PCDHA3: variants seen among roughly 807,000 people sequenced by gnomAD.
PCDHA3 encodes protocadherin alpha 3, also known as protocadherin alpha-3.
A neutral mutation model predicts 62.2 loss-of-function variants in PCDHA3; 41 were observed. That is an observed-to-expected ratio of 0.66 (90% CI 0.51 to 0.86). The LOEUF is 0.86. Ranked by LOEUF, PCDHA3 falls within the 40% of genes least tolerant of loss-of-function variation. The pLI is 0.00. For synonymous variants in PCDHA3, 640 were observed against 555.4 expected, an observed-to-expected ratio of 1.15 and a Z score of -2.14; for missense variants, 1,304 against 1,241.2, an observed-to-expected ratio of 1.05 and a Z score of -0.76.
At chr5:140,890,767 T>A (rs1342716029) in intron 1 of PCDHA3, among the ~76,000 whole-genome samples, 3 of 152,210 alleles carry the variant, frequency 2.0e-5, no homozygotes, top group African/African-American at 7.2e-5. Context: ...AAAAATATTT[T>A]AAAACCCCAT....
chr5:140,960,299 A>C (rs246005), intron 1 of PCDHA3, among the ~76,000 whole-genome samples: 85,531 of 151,846 alleles, frequency 0.56, 24,685 homozygotes, highest in African/African-American at 0.69. Flanking sequence ...TTTCTTCATC[A>C]ATACCAACCT....
At chr5:140,832,006 T>C (rs192666961) in intron 1 of PCDHA3, among the ~76,000 whole-genome samples, 8 of 152,338 alleles carry the variant, frequency 5.3e-5, no homozygotes, top group Non-Finnish European at 1.0e-4. Context: ...ATTGTTTTCA[T>C]TTTACGTAAA....
At chr5:140,818,706 T>G (rs2150102140) in intron 1 of PCDHA3, among the ~76,000 whole-genome samples, 14 of 152,140 alleles carry the variant, frequency 9.2e-5, no homozygotes, top group African/African-American at 2.7e-4. Flanking sequence ...GATGTGGTGG[T>G]GCACACCTGT....
Position 140,877,146 on chromosome 5 carries a change from G to A in PCDHA3, c.2394+73555G>A, listed in dbSNP as rs781819140. The A allele has an allele frequency of 1.9e-6, 3 of 1,613,818 alleles. No individual in the cohort carries two copies. In the East Asian group the frequency reaches 6.7e-5, roughly 36 times the overall value. On this transcript the variant is annotated intron_variant, in intron 1 of 3. Coordinates refer to ENST00000522353, the MANE Select transcript of PCDHA3 (RefSeq NM_018906.3). ...CGCTGCAGGTGTTCGTGCTGGACGA[G>A]AACGACAACGCGCCGGCACTGCTGG...
chr5:140,967,870 G>A (rs782622860), intron 1 of PCDHA3: 31 of 1,614,152 alleles, frequency 1.9e-5, no homozygotes, highest in Non-Finnish European at 2.5e-5. Flanking sequence ...TGGTGCTCAC[G>A]GACCTGTATA....
chr5:140,940,549 A>G (rs1554213474), intron 1 of PCDHA3, among the ~76,000 whole-genome samples: 1 of 152,110 alleles, frequency 6.6e-6, no homozygotes, highest in Non-Finnish European at 1.5e-5. Context: ...CCTGGGCTCA[A>G]GTGATTCTCC....
At chr5:140,938,876 A>AAC (rs142461507) in intron 1 of PCDHA3, among the ~76,000 whole-genome samples, 11 of 151,144 alleles carry the variant, frequency 7.3e-5, no homozygotes, top group South Asian at 2.1e-4. Context: ...GTTAAGAAGC[A>AAC]ACACACACAC....
At chr5:140,993,509 CGGGGAGAGAGAG>C (rs1563592888) in intron 3 of PCDHA3, among the ~76,000 whole-genome samples, 1 of 143,490 alleles carries the variant, frequency 7.0e-6, no homozygotes, top group Admixed American at 7.0e-5. Context: ...CACACACACA[CGGGGAGAGAGAG>C]ACAGAGAGAG....
rs370205855 is a variant in PCDHA3, at chr5:140,802,282, A to T, written c.1085A>T (p.Asp362Val). Residue 362 changes from aspartate to valine, a missense_variant, in exon 1 of 4, where the codon GAC (aspartate) becomes GTC (valine). By Grantham distance (152) the Asp-to-Val change is radical (BLOSUM62 -3). Transcript: ENST00000522353. ...IQSLSLPVLE[D>V]SPLSTVIALI... ...TCACTATCTTTACCTGTATTAGAAGACTCTCCACTTAGCACAGTCATCGCT... is the reference window on the plus strand; with the variant it reads ...TCACTATCTTTACCTGTATTAGAAGTCTCTCCACTTAGCACAGTCATCGCT... 1.9e-6 allele frequency: 3 copies of T among 1,614,108 alleles called. No homozygotes were observed. The highest frequency in any genetic ancestry group is 1.6e-4 in the Middle Eastern group (1 of 6,062).
intron 1 of PCDHA3, among the ~76,000 whole-genome samples, chr5:140,933,464 A>G (rs1257783133): frequency 1.3e-5 from 2 of 152,074 alleles, no homozygotes; most frequent in African/African-American, 4.8e-5. Flanking sequence ...TATACTCTGA[A>G]TTCAAACACA....
intron 1 of PCDHA3, chr5:140,968,553 G>A (rs782583876): frequency 4.3e-6 from 7 of 1,614,132 alleles, no homozygotes; most frequent in South Asian, 2.2e-5. Context: ...ATGGTGCCTC[G>A]AACTGCCCCT....
chr5:141,002,356 C>G (rs2098075572), intron 3 of PCDHA3, among the ~76,000 whole-genome samples: 1 of 152,272 alleles, frequency 6.6e-6, no homozygotes, highest in Non-Finnish European at 1.5e-5. Flanking sequence ...CACCTCCACT[C>G]CTTTCAACTC....
intron 1 of PCDHA3, chr5:140,866,368 T>C (rs1172516799): frequency 6.6e-6 from 1 of 152,138 alleles, no homozygotes; most frequent in Non-Finnish European, 1.5e-5. Flanking sequence ...TATTGCATAC[T>C]TCAATAACAA....
At chr5:140,977,865 G>C (rs2096778412) in intron 1 of PCDHA3, among the ~76,000 whole-genome samples, 4 of 152,172 alleles carry the variant, frequency 2.6e-5, no homozygotes, top group Non-Finnish European at 5.9e-5. Flanking sequence ...ACCAAATATG[G>C]TAAGTATAAT....
chr5:140,858,425 C>T lies in PCDHA3; in HGVS notation c.2394+54834C>T, dbSNP rs373682195. 1.3e-5 allele frequency: 20 copies of T among 1,552,580 alleles called. 2 individuals are homozygous for T. The highest frequency in any genetic ancestry group is 1.8e-5 in the Non-Finnish European group (20 of 1,140,698). On this transcript the variant is annotated intron_variant, in intron 1 of 3. Transcript: ENST00000522353. ...GGAAGATCAGTCTATTGGAGGGGAC[C>T]ACTCTAGGAAGGTGGGTTATTACGT...
chr5:140,885,160 CTTTT>C (rs370486132), intron 1 of PCDHA3, among the ~76,000 whole-genome samples: 314 of 152,080 alleles, frequency 2.1e-3, no homozygotes, highest in African/African-American at 7.4e-3. Context: ...ATTGTCTCTA[CTTTT>C]TTGTCCTCTA....
chr5:140,984,882 A>G (rs1456658089), intron 3 of PCDHA3, among the ~76,000 whole-genome samples: 3 of 152,150 alleles, frequency 2.0e-5, no homozygotes, highest in African/African-American at 7.2e-5. Context: ...AGTTACCATG[A>G]GAACTAAAGG....
chr5:140,809,505 G>A (rs782212508), intron 1 of PCDHA3: 4 of 1,614,224 alleles, frequency 2.5e-6, no homozygotes, highest in African/African-American at 1.3e-5. Flanking sequence ...ATGGCCTTCA[G>A]CCCCAGTTTA....
chr5:140,946,731 G>T (rs1183627101), intron 1 of PCDHA3, among the ~76,000 whole-genome samples: 1 of 150,574 alleles, frequency 6.6e-6, no homozygotes, highest in African/African-American at 2.5e-5. Flanking sequence ...AATAAGCCAG[G>T]CACAGAAAGA....
Sources: allele counts gnomAD v4.1 joint callset (sites outside exome capture counted in the v4.1 genomes callset), GRCh38; gene constraint gnomAD v4.1.1; transcripts MANE v1.5; gene names NCBI Gene and HGNC (gene_info 2026-07-23, HGNC 2026-07-21).